Variants in SUGP2 observed in about 807,000 individuals in gnomAD.
SUGP2 encodes the protein SURP and G-patch domain-containing protein 2.
A neutral mutation model predicts 90.5 loss-of-function variants in SUGP2; 24 were observed. The observed-to-expected ratio is 0.27, with a 90% CI of 0.19 to 0.37. The LOEUF (loss-of-function observed/expected upper bound fraction) is 0.37. SUGP2 is among the 10% of genes least tolerant of loss of function. The pLI is 1.00. For missense variants in SUGP2, 1,233 were observed against 1,363.3 expected (o/e 0.90, Z 1.51); for synonymous variants, 473 against 513.4 (o/e 0.92, Z 1.06).
At chr19:19,001,176 C>T (rs954493534) in intron 8 of SUGP2, among the ~76,000 whole-genome samples, 8 of 152,038 alleles carry the variant, frequency 5.3e-5, no homozygotes, top group Non-Finnish European at 8.8e-5. Flanking sequence ...CCACCATGCC[C>T]GGCTAATTTT....
At chr19:19,033,415 G>T (rs991845585) in intron 1 of SUGP2, 22 bp downstream of exon 1, 3 of 1,307,236 alleles carry the variant, frequency 2.3e-6, no homozygotes, top group Admixed American at 7.4e-5. Flanking sequence ...ACCCACCGAC[G>T]ACGCCAGGGC....
rs55923416 is a variant in SUGP2, at chr19:19,018,686, CAAAA to C, written c.1850+419_1850+422del. 3.5e-5 allele frequency among the ~76,000 whole-genome samples: 3 copies of C among 85,918 alleles called. No individual in the cohort carries two copies. In the East Asian group the frequency reaches 9.9e-4, roughly 28 times the overall value. 56.4% of individuals were successfully genotyped at this position (85,918 alleles called of 152,430 possible). ...TGGGCGACAGAGCAAGGCTCCGTCT[CAAAA>C]AAAAAAAAAAAAAAAAAAGTTGTTC... On this transcript the variant is annotated intron_variant, in intron 4 of 10. Coordinates refer to ENST00000452918, the MANE Select transcript of SUGP2 (RefSeq NM_001017392.5).
chr19:18,995,368 C>G, intron 8 of SUGP2, 88 bp from the exon 9 acceptor site: 1 of 1,405,636 alleles, frequency 7.1e-7, no homozygotes, highest in Non-Finnish European at 9.4e-7. Flanking sequence ...GAGCCCCTCA[C>G]CCCCAAATGC....
chr19:19,032,905 C>G (rs1309442825), intron 1 of SUGP2: 1 of 150,484 alleles, frequency 6.6e-6, no homozygotes, highest in Non-Finnish European at 1.5e-5. Context: ...CCGCCTCCCC[C>G]ACCCGCCTCC....
Position 19,004,368 on chromosome 19 carries a change from C to T in SUGP2, c.2729G>A (p.Gly910Glu), listed in dbSNP as rs1163817245. The change falls in exon 7 of 11, where the codon GGA becomes GAA. Residue 910 changes from glycine to glutamate, a missense_variant. Gly to Glu is a moderately conservative substitution (Grantham distance 98). Transcript: ENST00000452918. ...GCTGCCCTCAGACTTGCCCGCCCCT[C>T]CAGGAGCGGGGGCCTCCTCTCCCCC... ...EDGGEEAPAP[G>E]GAGKSEGSTP... 1 of 1,613,674 alleles carries T rather than the reference C, an allele frequency of 6.2e-7. No individual in the cohort carries two copies. The highest frequency in any genetic ancestry group is 1.3e-5 in the African/African-American group (1 of 74,932).
intron 3 of SUGP2, among the ~76,000 whole-genome samples, chr19:19,021,483 A>G (rs908949433): frequency 2.6e-5 from 4 of 152,084 alleles, no homozygotes; most frequent in Admixed American, 6.6e-5. Context: ...ACAGTCAGCA[A>G]TGAAATTTAG....
intron 6 of SUGP2, chr19:19,007,275 G>A (rs2058113730): frequency 6.6e-6 from 1 of 152,286 alleles, no homozygotes. Flanking sequence ...TCCCTGTGTA[G>A]AAGTGCCTGC....
rs766770825 is a variant in SUGP2 at position 19,008,307 on chromosome 19, G to A, written c.2450+10C>T. On this transcript the variant is annotated intron_variant, in intron 6 of 10. Coordinates refer to ENST00000452918, the MANE Select transcript of SUGP2 (RefSeq NM_001017392.5). ...GAAAAAGGTGTGATGAGACCCGGGG[G>A]GGTACGTACCACAGGTCAGGGTTAT... 5 of 1,601,100 alleles carry A rather than the reference G, an allele frequency of 3.1e-6. No individual in the cohort carries two copies. Among genetic ancestry groups the A allele is most frequent in the Non-Finnish European group, 4.3e-6 (5 of 1,168,328 alleles).
chr19:19,029,684 C>A (rs1194816367), intron 2 of SUGP2, among the ~76,000 whole-genome samples: 1 of 149,866 alleles, frequency 6.7e-6, no homozygotes, highest in Non-Finnish European at 1.5e-5. Flanking sequence ...ACCTTGTGAT[C>A]CTCCCAGCAC....
rs766348724 is a variant in SUGP2 at position 19,026,098 on chromosome 19, C to T, written c.250G>A (p.Val84Ile). ...DAGREGLRSD[V>I]FPGPSFRSSN... Reference sequence around the variant, plus strand: ...GATCTGAAGGAAGGCCCTGGAAATACGTCACTTCTCAGGCCTTCTCTTCCG... The same window carrying T: ...GATCTGAAGGAAGGCCCTGGAAATATGTCACTTCTCAGGCCTTCTCTTCCG... The change falls in exon 3 of 11, where the codon GTA (valine) becomes ATA (isoleucine). Residue 84 changes from valine (V) to isoleucine (I), a missense_variant. Val to Ile is a conservative substitution (Grantham distance 29, BLOSUM62 3). Around this residue, in one of 8 missense-constraint regions of SUGP2, gnomAD observed 418 missense variants for 399.9 expected, o/e 1.05. Transcript: ENST00000452918. The T allele has an allele frequency of 2.4e-5, 38 of 1,614,046 alleles. No homozygotes were observed. The highest frequency in any genetic ancestry group is 3.3e-5 in the South Asian group (3 of 91,086).
intron 1 of SUGP2, 79 bp downstream of exon 1, chr19:19,033,358 C>T (rs2059267218): frequency 5.2e-6 from 6 of 1,161,602 alleles, no homozygotes; most frequent in Non-Finnish European, 5.3e-6. Context: ...TCACGGAGCC[C>T]GGGGCGGGCC....
chr19:19,024,607 T>G lies in SUGP2; in HGVS notation c.1729+12A>C. 6.3e-7 allele frequency: 1 copy of G among 1,579,808 alleles called. No individual in the cohort carries two copies. On this transcript the variant is annotated intron_variant, in intron 3 of 10. Coordinates refer to ENST00000452918, the MANE Select transcript of SUGP2 (RefSeq NM_001017392.5). ...AAAAACAACAAATAGAAACTTTGGCTGATTTCCTTACCATCACTCAGACTA... is the reference window on the plus strand; with the variant it reads ...AAAAACAACAAATAGAAACTTTGGCGGATTTCCTTACCATCACTCAGACTA...
At chr19:19,004,092 C>T in intron 7 of SUGP2, 76 bp downstream of exon 7, 1 of 1,145,342 alleles carries the variant, frequency 8.7e-7, no homozygotes, top group Non-Finnish European at 1.2e-6. Context: ...ATGTCTCCAC[C>T]TGTCTCTTCT....
At position 19,009,836 on chromosome 19, in the gene SUGP2, G is replaced by A. The variant is rs777176609; in HGVS notation, c.2338+19C>T. ...TAGGGACTGGGGCCCAGAGGAGGGG[G>A]ACAGGAGTGAGCACCCACTGTCAGC... On this transcript the variant is annotated intron_variant, in intron 5 of 10. Transcript: ENST00000452918. 3 of 1,587,306 alleles carry A rather than the reference G, an allele frequency of 1.9e-6. No individual in the cohort carries two copies. Among genetic ancestry groups the A allele is most frequent in the East Asian group, 4.5e-5 (2 of 44,604 alleles).
In SUGP2 at chr19:19,026,140, C is replaced by A; in HGVS notation, c.208G>T (p.Ala70Ser). Reference protein sequence around the residue: ...DGRYSLSGSVAHSRDAGREGL... With the variant: ...DGRYSLSGSVSHSRDAGREGL... The stretch of plus-strand genomic sequence containing the variant: ...TCTCTTCCGGCATCTCTAGAGTGAG[C>A]TACAGATCCACTGAGGGAGTATCTG... Residue 70 changes from alanine to serine, a missense_variant, in exon 3 of 11, where the codon GCT becomes TCT. Transcript: ENST00000452918. 6.2e-7 allele frequency: 1 copy of A among 1,613,976 alleles called. No homozygotes were observed. The highest frequency in any genetic ancestry group is 8.5e-7 in the Non-Finnish European group (1 of 1,180,006).
Position 19,004,504 on chromosome 19 carries a change from C to T in SUGP2, c.2593G>A (p.Val865Met), listed in dbSNP as rs1178189273. 9.3e-6 allele frequency: 15 copies of T among 1,614,114 alleles called. No homozygotes were observed. Among genetic ancestry groups the T allele is most frequent in the Admixed American group, 3.3e-5 (2 of 60,004 alleles). The change falls in exon 7 of 11, where the codon GTG becomes ATG. Residue 865 changes from valine (V) to methionine (M), a missense_variant. This residue lies in a region of SUGP2 where 540 missense variants were observed against 542.6 expected (regional missense o/e 1.00). Transcript: ENST00000452918. The part of the protein sequence containing the change: ...GDTTGSQESP[V>M]DLMEGEAEFE... The stretch of plus-strand genomic sequence containing the variant: ...TCTGCTTCCCCTTCCATGAGGTCCA[C>T]GGGGCTCTCCTGAGAACCCGTGGTG...
chr19:19,022,776 G>T (rs1176305328), intron 3 of SUGP2, among the ~76,000 whole-genome samples: 1 of 152,174 alleles, frequency 6.6e-6, no homozygotes, highest in Non-Finnish European at 1.5e-5. Context: ...CTGGGAGTAG[G>T]TGTGGCCACC....
chr19:19,018,087 T>C (rs1438974968), intron 4 of SUGP2, among the ~76,000 whole-genome samples: 3 of 150,868 alleles, frequency 2.0e-5, no homozygotes, highest in Non-Finnish European at 3.0e-5. Context: ...CTACTAAAAA[T>C]ACACAGATTT....
intron 5 of SUGP2, 100 bp downstream of exon 5, chr19:19,009,755 G>A (rs2058230641): frequency 2.1e-6 from 3 of 1,447,034 alleles, no homozygotes; most frequent in Middle Eastern, 2.3e-4. Flanking sequence ...TTTATCCACT[G>A]CCTTGCCTAG....
Sources: allele counts gnomAD v4.1 joint callset (sites outside exome capture counted in the v4.1 genomes callset), GRCh38; gene constraint gnomAD v4.1.1; regional missense constraint gnomAD v4.1.1; transcripts MANE v1.5; gene names NCBI Gene and HGNC (gene_info 2026-07-23, HGNC 2026-07-21).